Variants in PPP3CB observed in about 807,000 individuals in gnomAD.
PPP3CB encodes the protein serine/threonine-protein phosphatase 2B catalytic subunit beta isoform.
Under a neutral mutation model 66.4 loss-of-function variants are expected in PPP3CB, and 8 were observed. The observed-to-expected ratio is 0.12, with a 90% confidence interval of 0.07 to 0.22. The LOEUF (loss-of-function observed/expected upper bound fraction) is 0.22, where lower values mean the gene tolerates loss of function less well. Among genes scored for constraint, PPP3CB ranks in the 10% least tolerant of loss-of-function variants. The probability of loss-of-function intolerance (pLI) is 1.00; values close to 1 mark genes in which losing one functional copy is unlikely to be tolerated. For synonymous variants in PPP3CB, 208 were observed against 221.2 expected, an observed-to-expected ratio of 0.94 and a Z score of 0.53; for missense variants, 319 against 642.5, an observed-to-expected ratio of 0.50 and a Z score of 5.44.
At chr10:73,474,606 T>C (rs967187419) in intron 4 of PPP3CB, among the ~76,000 whole-genome samples, 23 of 150,992 alleles carry the variant, frequency 1.5e-4, no homozygotes, top group Non-Finnish European at 3.1e-4. Context: ...CTAATTTTTT[T>C]TTTTTGTATT....
At chr10:73,449,889 G>A (rs753709408) in intron 10 of PPP3CB, among the ~76,000 whole-genome samples, 10 of 151,662 alleles carry the variant, frequency 6.6e-5, no homozygotes, top group African/African-American at 2.2e-4. Flanking sequence ...TCTGCCTCCC[G>A]AGTTGAAGCA....
intron 9 of PPP3CB, among the ~76,000 whole-genome samples, chr10:73,455,615 T>G (rs1177055516): frequency 6.6e-6 from 1 of 152,096 alleles, no homozygotes; most frequent in African/African-American, 2.4e-5. Context: ...GTCGCCCAGG[T>G]TGGAGTGCAG....
chr10:73,450,061 G>A (rs2056320710), intron 10 of PPP3CB, among the ~76,000 whole-genome samples: 1 of 152,136 alleles, frequency 6.6e-6, no homozygotes, highest in Admixed American at 6.5e-5. Context: ...GCCTCCCAAA[G>A]TGCTGGGATT....
At chr10:73,459,671 T>C (rs750952903) in intron 9 of PPP3CB, among the ~76,000 whole-genome samples, 10 of 152,330 alleles carry the variant, frequency 6.6e-5, no homozygotes, top group Middle Eastern at 3.4e-3. Flanking sequence ...ACACCACAGA[T>C]AAACCTTGAG....
chr10:73,490,408 G>C (rs2057053258), intron 1 of PPP3CB, among the ~76,000 whole-genome samples: 1 of 152,072 alleles, frequency 6.6e-6, no homozygotes, highest in Non-Finnish European at 1.5e-5. Flanking sequence ...CTACAGTTTT[G>C]TGATACAGCA....
At chr10:73,485,723 C>G (rs986990581) in intron 1 of PPP3CB, among the ~76,000 whole-genome samples, 1 of 152,092 alleles carries the variant, frequency 6.6e-6, no homozygotes, top group African/African-American at 2.4e-5. Flanking sequence ...ATCTATCCCA[C>G]AAACCCTACA....
intron 1 of PPP3CB, among the ~76,000 whole-genome samples, chr10:73,488,176 C>T (rs958410919): frequency 5.9e-5 from 9 of 152,096 alleles, no homozygotes; most frequent in Non-Finnish European, 1.2e-4. Context: ...TTGAAGTCTT[C>T]AGAATGCTGC....
chr10:73,492,264 T>C (rs1030926285), intron 1 of PPP3CB, among the ~76,000 whole-genome samples: 4 of 152,232 alleles, frequency 2.6e-5, no homozygotes, highest in South Asian at 4.1e-4. Flanking sequence ...AATGAACATA[T>C]GCCCAATACT....
intron 8 of PPP3CB, among the ~76,000 whole-genome samples, chr10:73,470,149 A>C (rs1199181088): frequency 6.6e-6 from 1 of 152,228 alleles, no homozygotes; most frequent in African/African-American, 2.4e-5. Context: ...AAAAATAAAG[A>C]GAAGAATGTA....
chr10:73,443,286 C>CAGAAAGAAAGAAAGAAAGAAAGACAGAA (rs2056187914), intron 12 of PPP3CB, among the ~76,000 whole-genome samples: 1 of 115,634 alleles, frequency 8.6e-6, no homozygotes, highest in Non-Finnish European at 1.7e-5. Context: ...GAAAGAAAGA[C>CAGAAAGAAAGAAAGAAAGAAAGACAGAA]AGAAAGAAAG....
intron 1 of PPP3CB, among the ~76,000 whole-genome samples, chr10:73,489,951 T>G (rs982649969): frequency 2.0e-5 from 3 of 152,198 alleles, no homozygotes; most frequent in Non-Finnish European, 4.4e-5. Context: ...CAAAGTAAGA[T>G]AGCCAATCCC....
At chr10:73,454,088 T>A (rs929663976) in intron 10 of PPP3CB, among the ~76,000 whole-genome samples, 11 of 152,230 alleles carry the variant, frequency 7.2e-5, no homozygotes, top group Non-Finnish European at 1.0e-4. Flanking sequence ...ACAAATAGTA[T>A]TTTTATCCTC....
At chr10:73,493,247 C>A (rs544144575) in intron 1 of PPP3CB, among the ~76,000 whole-genome samples, 1 of 148,004 alleles carries the variant, frequency 6.8e-6, no homozygotes, top group African/African-American at 2.6e-5. Flanking sequence ...CTGCACTCCA[C>A]TTGGGCAACA....
intron 4 of PPP3CB, among the ~76,000 whole-genome samples, chr10:73,474,224 G>GTA (rs111381927): frequency 0.15 from 22,829 of 151,642 alleles, 2,789 homozygotes; most frequent in African/African-American, 0.32. Context: ...TGTATTTTTA[G>GTA]GAGATGGGGT....
chr10:73,465,435 A>G (rs1466964505), intron 9 of PPP3CB, among the ~76,000 whole-genome samples: 1 of 152,074 alleles, frequency 6.6e-6, no homozygotes, highest in Non-Finnish European at 1.5e-5. Flanking sequence ...AGTGGCTCAC[A>G]CCTATAATCT....
chr10:73,485,689 T>C (rs952287749), intron 1 of PPP3CB, among the ~76,000 whole-genome samples: 6 of 152,154 alleles, frequency 3.9e-5, no homozygotes, highest in African/African-American at 1.2e-4. Context: ...GCCTTCAGAA[T>C]TCCTATTATA....
At chr10:73,468,297 C>T (rs1188567303) in intron 8 of PPP3CB, among the ~76,000 whole-genome samples, 1 of 151,978 alleles carries the variant, frequency 6.6e-6, no homozygotes, top group Non-Finnish European at 1.5e-5. Context: ...ACCAAACAAT[C>T]CAGAGATAAC....
Position 73,495,981 on chromosome 10 carries a change from A to G in PPP3CB, c.-92T>C. 1 of 690,380 alleles carries G rather than the reference A, an allele frequency of 1.4e-6. No homozygotes were observed. The highest frequency in any genetic ancestry group is 1.9e-6 in the Non-Finnish European group (1 of 528,346). 42.8% of individuals were successfully genotyped at this position (690,380 alleles called of 1,614,324 possible). A position where few individuals can be genotyped will look rare whatever the true frequency, so the allele number is the denominator to read the frequency against. On this transcript the variant is annotated 5_prime_UTR_variant, in exon 1 of 14. Transcript: ENST00000360663. ...AGCCAAGCGGCGGCGCCGCCGGGGA[A>G]CATGGCGGACCCTCTTTCCCTACAG...
chr10:73,456,934 T>C (rs1310434978), intron 9 of PPP3CB, among the ~76,000 whole-genome samples: 1 of 152,026 alleles, frequency 6.6e-6, no homozygotes, highest in South Asian at 2.1e-4. Flanking sequence ...GGCAAATCTA[T>C]AGAGACAGAA....
Sources: gnomAD v4.1 joint callset for allele counts (sites outside exome capture counted in the v4.1 genomes callset) on GRCh38, gnomAD v4.1.1 for gene constraint, MANE v1.5 for transcripts, NCBI Gene and HGNC (gene_info 2026-07-23, HGNC 2026-07-21) for gene names.